DPP10: variants seen among roughly 807,000 people sequenced by gnomAD.
DPP10 encodes inactive dipeptidyl peptidase 10.
In DPP10, 33 loss-of-function variants were observed where a neutral mutation model predicts 120.9. The ratio of observed to expected loss-of-function variants is 0.27; its 90% CI spans 0.21 to 0.37. DPP10 has a LOEUF of 0.37. Ranked by LOEUF, DPP10 falls within the 10% of genes least tolerant of loss-of-function variation. The pLI is 1.00. For missense variants in DPP10, 816 were observed against 942.8 expected, an observed-to-expected ratio of 0.87 and a Z score of 1.76; for synonymous variants, 337 against 326.1, an observed-to-expected ratio of 1.03 and a Z score of -0.36.
At chr2:115,183,316 C>T (rs1013262846) in intron 1 of DPP10, among the ~76,000 whole-genome samples, 1 of 152,164 alleles carries the variant, frequency 6.6e-6, no homozygotes, top group Middle Eastern at 3.4e-3. Context: ...CTGGTTGTGA[C>T]CTGTGGAATT....
At chr2:115,083,415 C>A (rs1485451899) in intron 1 of DPP10, among the ~76,000 whole-genome samples, 1 of 152,184 alleles carries the variant, frequency 6.6e-6, no homozygotes, top group Non-Finnish European at 1.5e-5. Flanking sequence ...TTCTTCTCTG[C>A]CATCTGCTGG....
intron 1 of DPP10, among the ~76,000 whole-genome samples, chr2:115,231,945 T>C (rs1166599841): frequency 1.3e-5 from 2 of 152,208 alleles, no homozygotes; most frequent in African/African-American, 2.4e-5. Flanking sequence ...GCACCAACTT[T>C]TGTGGGTGAG....
intron 1 of DPP10, among the ~76,000 whole-genome samples, chr2:115,099,142 A>G (rs1573609193): frequency 6.6e-6 from 1 of 150,532 alleles, no homozygotes; most frequent in Non-Finnish European, 1.5e-5. Flanking sequence ...AAAAAAAAAA[A>G]AAAAGAAAAA....
At chr2:115,166,859 T>C (rs1453938290) in intron 1 of DPP10, among the ~76,000 whole-genome samples, 1 of 152,186 alleles carries the variant, frequency 6.6e-6, no homozygotes. Flanking sequence ...TCTTGAATTA[T>C]TTATGATTAC....
intron 1 of DPP10, among the ~76,000 whole-genome samples, chr2:114,493,512 T>A (rs1237647843): frequency 1.3e-5 from 2 of 151,932 alleles, no homozygotes; most frequent in African/African-American, 4.8e-5. Context: ...AAGATAAGGG[T>A]ACTTGCTCGA....
chr2:115,089,048 T>C (rs1876862), intron 1 of DPP10, among the ~76,000 whole-genome samples: 120,660 of 151,946 alleles, frequency 0.79, 48,650 homozygotes, highest in Non-Finnish European at 0.88. Context: ...GCTTGCCTCA[T>C]ATCTTCTGTC....
At chr2:115,301,098 G>A (rs2105975819) in intron 1 of DPP10, among the ~76,000 whole-genome samples, 1 of 152,016 alleles carries the variant, frequency 6.6e-6, no homozygotes, top group Admixed American at 6.6e-5. Context: ...AGACGGGGCT[G>A]CTTTTATTTA....
At chr2:115,364,224 A>G (rs1246760310) in intron 3 of DPP10, among the ~76,000 whole-genome samples, 1 of 151,932 alleles carries the variant, frequency 6.6e-6, no homozygotes, top group East Asian at 1.9e-4. Context: ...CTGTTTTGAA[A>G]TTCCAATTGC....
chr2:115,836,093 G>T lies in DPP10; in HGVS notation c.1951-64G>T, dbSNP rs1575948307. On this transcript the variant is annotated intron_variant, in intron 21 of 25. Transcript: ENST00000410059. ...ATAGTTGTTATATATAAATTTGTGT[G>T]TGTGTATGTGTGTGTGTGTGTGTGA... 4 of 761,262 alleles carry T rather than the reference G, an allele frequency of 5.3e-6. No homozygotes were observed. In the African/African-American group the frequency reaches 7.7e-5, roughly 15 times the overall value. 47.2% of individuals were successfully genotyped at this position (761,262 alleles called of 1,614,324 possible). A position where few individuals can be genotyped will look rare whatever the true frequency, so the allele number is the denominator to read the frequency against.
intron 1 of DPP10, among the ~76,000 whole-genome samples, chr2:115,028,025 G>T (rs1366400495): frequency 6.6e-6 from 1 of 151,836 alleles, no homozygotes; most frequent in Non-Finnish European, 1.5e-5. Context: ...TAGGTTTGTT[G>T]ATTTTGTTTA....
chr2:115,161,784 G>A, intron 1 of DPP10: 1 of 587,234 alleles, frequency 1.7e-6, no homozygotes, highest in African/African-American at 2.0e-5. Context: ...CTACGACGGG[G>A]AGCCCGCCCG....
intron 1 of DPP10, among the ~76,000 whole-genome samples, chr2:115,088,683 C>T (rs1708942392): frequency 7.0e-6 from 1 of 142,078 alleles, no homozygotes. Context: ...TGGCCTCAAG[C>T]AACCCTCCTA....
chr2:114,733,216 C>G (rs1233310584), intron 1 of DPP10, among the ~76,000 whole-genome samples: 1 of 152,180 alleles, frequency 6.6e-6, no homozygotes. Flanking sequence ...TATCCTTGGA[C>G]AGTCTTTTCA....
chr2:114,914,392 A>G (rs1190023059), intron 1 of DPP10, among the ~76,000 whole-genome samples: 1 of 152,230 alleles, frequency 6.6e-6, no homozygotes, highest in Non-Finnish European at 1.5e-5. Context: ...TAGAAGAGTA[A>G]TGCCTATATT....
intron 1 of DPP10, among the ~76,000 whole-genome samples, chr2:114,835,900 T>C (rs1306586371): frequency 9.0e-6 from 1 of 111,296 alleles, no homozygotes; most frequent in African/African-American, 3.3e-5. Context: ...TATTTCACTA[T>C]GAAATCAGAT....
intron 1 of DPP10, among the ~76,000 whole-genome samples, chr2:114,915,957 C>A (rs964939461): frequency 1.3e-5 from 2 of 151,742 alleles, no homozygotes; most frequent in Non-Finnish European, 2.9e-5. Flanking sequence ...GCAAACCAAC[C>A]CCAAGCCTAG....
At chr2:114,656,448 A>C (rs563624777) in intron 1 of DPP10, among the ~76,000 whole-genome samples, 1 of 152,272 alleles carries the variant, frequency 6.6e-6, no homozygotes, top group East Asian at 1.9e-4. Context: ...AATAAAATTC[A>C]CATAAATTGC....
chr2:114,903,869 A>G (rs1693778201), intron 1 of DPP10, among the ~76,000 whole-genome samples: 1 of 152,254 alleles, frequency 6.6e-6, no homozygotes, highest in Admixed American at 6.5e-5. Context: ...TCTGTAGGCC[A>G]AAAGAAGAAG....
chr2:114,597,810 G>A (rs958908219), intron 1 of DPP10, among the ~76,000 whole-genome samples: 1 of 151,802 alleles, frequency 6.6e-6, no homozygotes, highest in Non-Finnish European at 1.5e-5. Flanking sequence ...CAATGTCTTT[G>A]TCACTTGCCT....
Sources: allele counts gnomAD v4.1 joint callset (sites outside exome capture counted in the v4.1 genomes callset), GRCh38; gene constraint gnomAD v4.1.1; transcripts MANE v1.5; gene names NCBI Gene and HGNC (gene_info 2026-07-23, HGNC 2026-07-21).